Variants in APC observed in about 807,000 individuals in gnomAD.
APC encodes the protein APC regulator of Wnt signaling pathway.
Under a neutral mutation model 247.0 loss-of-function variants are expected in APC, and 72 were observed. The ratio of observed to expected loss-of-function variants is 0.29; its 90% CI spans 0.24 to 0.35. The LOEUF is 0.35. Ranked by LOEUF, APC falls within the 10% of genes least tolerant of loss-of-function variation. The pLI is 1.00. For missense variants in APC, 3,400 were observed against 3,360.7 expected (o/e 1.01, Z -0.29); for synonymous variants, 1,254 against 1,162.5 (o/e 1.08, Z -1.60).
At chr5:112,766,757 G>C (rs973426699) in intron 3 of APC, among the ~76,000 whole-genome samples, 1 of 152,150 alleles carries the variant, frequency 6.6e-6, no homozygotes, top group African/African-American at 2.4e-5. Flanking sequence ...ATTGGAAGAA[G>C]TATTGTCTTC....
At chr5:112,819,462 C>A in intron 10 of APC, 118 bp downstream of exon 10, 2 of 1,326,304 alleles carry the variant, frequency 1.5e-6, no homozygotes, top group Non-Finnish European at 2.1e-6. Flanking sequence ...AAATTCATAT[C>A]AGCCATTTGT....
At chr5:112,758,210 G>T (rs1010759300) in intron 2 of APC, among the ~76,000 whole-genome samples, 5 of 152,188 alleles carry the variant, frequency 3.3e-5, no homozygotes, top group African/African-American at 1.2e-4. Flanking sequence ...TAGATGATAT[G>T]AAATCAGATA....
In APC at chr5:112,763,975, C is replaced by T. The variant is rs192658656; in HGVS notation, c.136-2351C>T. Among the ~76,000 whole-genome samples the T allele has an allele frequency of 2.6e-3, 401 of 151,682 alleles. 1 individual carries two copies. The highest frequency in any genetic ancestry group is 0.017 in the Middle Eastern group (5 of 294). On this transcript the variant is annotated intron_variant, in intron 2 of 15. Transcript: ENST00000257430. Reference sequence around the variant, plus strand: ...CTGATCGGCCGGGCGCGGTGGCTCACGCCTGTAATCCCAGCACTTTGGGAG... The same window carrying T: ...CTGATCGGCCGGGCGCGGTGGCTCATGCCTGTAATCCCAGCACTTTGGGAG...
upstream of APC, among the ~76,000 whole-genome samples, chr5:112,733,308 G>T (rs1249505491): frequency 5.3e-4 from 81 of 152,172 alleles, no homozygotes; most frequent in Non-Finnish European, 8.8e-5. Context: ...TGACAAAAGG[G>T]AATTAAAATG....
chr5:112,736,776 T>C (rs1752415935), upstream of APC, among the ~76,000 whole-genome samples: 1 of 152,086 alleles, frequency 6.6e-6, no homozygotes, highest in African/African-American at 2.4e-5. Context: ...TAGCTGGGCA[T>C]GATGGCACGT....
chr5:112,822,393 G>C (rs1314395734), intron 11 of APC, among the ~76,000 whole-genome samples: 2 of 152,180 alleles, frequency 1.3e-5, no homozygotes. Flanking sequence ...ATGAGCATCA[G>C]AGGGAATTAT....
chr5:112,728,328 C>T (rs985148414), intron 1 of APC, among the ~76,000 whole-genome samples: 1 of 152,076 alleles, frequency 6.6e-6, no homozygotes, highest in African/African-American at 2.4e-5. Context: ...GACGGGGTTT[C>T]ACCATGTTGG....
Position 112,842,328 on chromosome 5 carries a change from C to T in APC, c.6734C>T (p.Pro2245Leu), listed in dbSNP as rs1483215684. ...CGAAATAGCTCCTCAAGTACAAGTC[C>T]TGTTTCTAAAAAAGGCCCACCCCTT... is the stretch of plus-strand genomic sequence containing the variant. ...GVRNSSSSTS[P>L]VSKKGPPLKT... The change falls in exon 16 of 16, where the codon CCT becomes CTT. Residue 2245 changes from proline to leucine, a missense_variant. Around this residue, in one of 9 missense-constraint regions of APC, gnomAD observed 1,788 missense variants for 1,649.5 expected, o/e 1.08. Transcript: ENST00000257430. 1 of 1,613,692 alleles carries T rather than the reference C, an allele frequency of 6.2e-7. No homozygotes were observed. Among genetic ancestry groups the T allele is most frequent in the Non-Finnish European group, 8.5e-7 (1 of 1,179,816 alleles).
rs189187930 is a variant in APC, at chr5:112,747,526, C to T, written c.-18-7347C>T. On this transcript the variant is annotated intron_variant, in intron 1 of 15. Transcript: ENST00000257430. ...ATGCCATACACAGCAATAAAAATGC[C>T]TTATGAATTAAAGATCTAAATGTAA... 4.4e-3 allele frequency among the ~76,000 whole-genome samples: 676 copies of T among 152,252 alleles called. 3 individuals are homozygous for T. Among genetic ancestry groups the T allele is most frequent in the Middle Eastern group, 0.01 (3 of 292 alleles).
At chr5:112,769,343 G>A (rs542819672) in intron 4 of APC, among the ~76,000 whole-genome samples, 32 of 151,934 alleles carry the variant, frequency 2.1e-4, no homozygotes, top group Non-Finnish European at 4.1e-4. Context: ...GAGCCACTGC[G>A]CCTGGCCAAC....
In APC at chr5:112,780,676, A is replaced by G. The variant is rs527785495; in HGVS notation, c.532-114A>G. 2.4e-5 allele frequency: 18 copies of G among 741,218 alleles called. No homozygotes were observed. The East Asian group carries it at 3.0e-4, about 13-fold the overall frequency. 45.9% of individuals were successfully genotyped at this position (741,218 alleles called of 1,614,324 possible). On this transcript the variant is annotated intron_variant, in intron 5 of 15. Transcript: ENST00000257430. ...GTAAAAAATAATTTTCTCATGCACC[A>G]TGACTGACGTATTTGCTTATTCATT...
rs371624693 is a variant in APC at position 112,817,557 on chromosome 5, A to G, written c.934-1409A>G. Among the ~76,000 whole-genome samples, 8 of 152,346 alleles carry G rather than the reference A, an allele frequency of 5.3e-5. No individual in the cohort carries two copies. The East Asian group carries it at 1.3e-3, about 26-fold the overall frequency. ...TTTAGGCATGGAAATTTAATTCCAG[A>G]TCTGTCTAACCTCAACATGTAGTTT... On this transcript the variant is annotated intron_variant, in intron 9 of 15. Transcript: ENST00000257430.
intron 2 of APC, among the ~76,000 whole-genome samples, chr5:112,759,931 C>T (rs540029210): frequency 1.3e-5 from 2 of 152,124 alleles, no homozygotes; most frequent in South Asian, 2.1e-4. Flanking sequence ...CAGTATGCAG[C>T]CCCCAAGAAA....
At chr5:112,720,349 T>C (rs777108968) in intron 1 of APC, among the ~76,000 whole-genome samples, 101 of 152,258 alleles carry the variant, frequency 6.6e-4, no homozygotes, top group Non-Finnish European at 1.1e-3. Context: ...ATTCCTATTA[T>C]AGTTCCTTCT....
upstream of APC, among the ~76,000 whole-genome samples, chr5:112,737,404 G>A (rs116483942): frequency 0.013 from 2,044 of 152,208 alleles, 56 homozygotes; most frequent in African/African-American, 0.046. Context: ...AATATAATTC[G>A]AGTGATCTAT....
chr5:112,824,493 A>T (rs1001159916), intron 11 of APC, among the ~76,000 whole-genome samples: 2 of 152,084 alleles, frequency 1.3e-5, no homozygotes, highest in African/African-American at 4.8e-5. Context: ...GAATCTGTTG[A>T]TATCTGCCAC....
rs753228011 is a variant in APC at position 112,841,977 on chromosome 5, C to T, written c.6383C>T (p.Ala2128Val). 3.1e-6 allele frequency: 5 copies of T among 1,613,220 alleles called. No individual in the cohort carries two copies. Among genetic ancestry groups the T allele is most frequent in the Admixed American group, 1.7e-5 (1 of 59,986 alleles). ...GCTGCTGCATGTTTATCTAGACAAG[C>T]TTCGTCTGATTCAGATTCCATCCTT... ...AAAAACLSRQ[A>V]SSDSDSILSL... Residue 2128 changes from alanine (A) to valine (V), a missense_variant, in exon 16 of 16, where the codon GCT (alanine) becomes GTT (valine). By Grantham distance (64) the Ala-to-Val change is moderately conservative (BLOSUM62 0). Around this residue, in one of 9 missense-constraint regions of APC, gnomAD observed 1,788 missense variants for 1,649.5 expected, o/e 1.08. Coordinates refer to ENST00000257430, the MANE Select transcript of APC (RefSeq NM_000038.6). The surrounding 1 kb of genome is among the most constrained non-coding windows in gnomAD (Gnocchi z 4.6).
rs1358289363 is a variant in APC, at chr5:112,838,030, C to T, written c.2436C>T (p.Asp812=). The change falls in exon 16 of 16, where the codon GAC becomes GAT. Residue 812 remains aspartate, a synonymous_variant. Transcript: ENST00000257430. The part of the protein sequence containing the change: ...DTNRHDDNRS[D]NFNTGNMTVL... The stretch of plus-strand genomic sequence containing the variant: ...ATCGACATGATGATAATAGGTCAGA[C>T]AATTTTAATACTGGCAACATGACTG... 3.1e-6 allele frequency: 5 copies of T among 1,613,980 alleles called. No homozygotes were observed. The South Asian group carries it at 3.3e-5, about 11-fold the overall frequency.
chr5:112,734,301 C>T (rs1752253811), upstream of APC, among the ~76,000 whole-genome samples: 1 of 152,184 alleles, frequency 6.6e-6, no homozygotes, highest in African/African-American at 2.4e-5. Flanking sequence ...CTGAAAATCT[C>T]ATTGCCATTG....
Sources: allele counts gnomAD v4.1 joint callset (sites outside exome capture counted in the v4.1 genomes callset), GRCh38; gene constraint gnomAD v4.1.1; regional missense constraint gnomAD v4.1.1; non-coding constraint Gnocchi (gnomAD v3.1); transcripts MANE v1.5; gene names NCBI Gene and HGNC (gene_info 2026-07-23, HGNC 2026-07-21).